Variants in DPP6 observed in about 807,000 individuals in gnomAD.
The protein encoded by DPP6 is dipeptidyl peptidase like 6.
DPP6 carries 69 observed loss-of-function variants against 122.6 expected under a neutral mutation model. That is an observed-to-expected ratio of 0.56 (90% CI 0.46 to 0.69). The LOEUF (loss-of-function observed/expected upper bound fraction) is 0.69, where lower values mean the gene tolerates loss of function less well. DPP6 is among the 30% of genes least tolerant of loss of function. The probability of loss-of-function intolerance (pLI) is 0.00; values close to 1 mark genes in which losing one functional copy is unlikely to be tolerated. For synonymous variants in DPP6, 418 were observed against 433.1 expected, an observed-to-expected ratio of 0.97 and a Z score of 0.43; for missense variants, 928 against 1,116.9, an observed-to-expected ratio of 0.83 and a Z score of 2.41.
intron 1 of DPP6, among the ~76,000 whole-genome samples, chr7:154,301,645 A>G (rs893374922): frequency 6.6e-6 from 1 of 152,178 alleles, no homozygotes; most frequent in African/African-American, 2.4e-5. Context: ...TATTTGCAGT[A>G]ATAAGCAAAC....
intron 1 of DPP6, among the ~76,000 whole-genome samples, chr7:154,099,002 C>T (rs181120157): frequency 6.6e-6 from 1 of 152,204 alleles, no homozygotes; most frequent in Non-Finnish European, 1.5e-5. Context: ...CAAACAATCA[C>T]ATCAGGATTT....
At chr7:154,130,683 C>T (rs922775157) in intron 1 of DPP6, among the ~76,000 whole-genome samples, 6 of 152,162 alleles carry the variant, frequency 3.9e-5, no homozygotes, top group East Asian at 1.9e-4. Flanking sequence ...TCAGATCTCA[C>T]GTCAGATGGG....
chr7:154,484,854 T>C (rs935218192), intron 3 of DPP6, among the ~76,000 whole-genome samples: 2 of 152,166 alleles, frequency 1.3e-5, no homozygotes, highest in Non-Finnish European at 2.9e-5. Context: ...ACTGGAAAAG[T>C]ATATGTTTCA....
Position 154,202,498 on chromosome 7 carries a change from G to A in DPP6, c.243+149435G>A, listed in dbSNP as rs111765928. Among the ~76,000 whole-genome samples, 159 of 152,110 alleles carry A rather than the reference G, an allele frequency of 1.0e-3. 1 individual carries two copies. The highest frequency in any genetic ancestry group is 3.3e-3 in the African/African-American group (135 of 41,480). On this transcript the variant is annotated intron_variant, in intron 1 of 25. Transcript: ENST00000377770. ...AGGCTTCCCTCCCCCAATTTCCTAC[G>A]GCTCTGCACTTGACATTCACCAAAA...
intron 1 of DPP6, among the ~76,000 whole-genome samples, chr7:154,110,403 G>T (rs917449802): frequency 2.6e-5 from 4 of 152,254 alleles, no homozygotes; most frequent in Non-Finnish European, 5.9e-5. Flanking sequence ...GCATCACTCT[G>T]CTTGGGTAGT....
chr7:153,775,439 T>C, the DPP6 span, among the ~76,000 whole-genome samples: 95 of 151,616 alleles, frequency 6.3e-4, no homozygotes, highest in African/African-American at 2.3e-3. Context: ...ACAGCTAACA[T>C]AATTCTTAAT....
Position 154,481,375 on chromosome 7 carries a change from CTG to C in DPP6, c.457+6349_457+6350del, listed in dbSNP as rs1554564267. Among the ~76,000 whole-genome samples the C allele has an allele frequency of 1.2e-5, 1 of 86,688 alleles. No homozygotes were observed. Among genetic ancestry groups the C allele is most frequent in the Non-Finnish European group, 2.4e-5 (1 of 41,200 alleles). The allele number at this position is 86,688 out of a possible 152,430, so 56.9% of individuals were successfully genotyped here. A position where few individuals can be genotyped will look rare whatever the true frequency, so the allele number is the denominator to read the frequency against. On this transcript the variant is annotated intron_variant, in intron 3 of 25. Transcript: ENST00000377770. The surrounding 1 kb of genome is among the most constrained non-coding windows in gnomAD (Gnocchi z 4.2). ...TGTGTGTGTGTGTGTGTGTGTGTGT[CTG>C]TGTGTGTGTGCATGTCAGTCACTGG... is the stretch of plus-strand genomic sequence containing the variant.
At chr7:153,830,113 G>T in the DPP6 span, among the ~76,000 whole-genome samples, 113 of 152,316 alleles carry the variant, frequency 7.4e-4, 1 homozygote, top group East Asian at 0.021. Context: ...TAATGTACTT[G>T]TCTCCTGGTT....
intron 7 of DPP6, among the ~76,000 whole-genome samples, chr7:154,726,532 G>C (rs1256516308): frequency 6.6e-6 from 1 of 152,186 alleles, no homozygotes; most frequent in Non-Finnish European, 1.5e-5. Flanking sequence ...GGGCACCAAG[G>C]CTGCACAGAG....
intron 1 of DPP6, among the ~76,000 whole-genome samples, chr7:154,334,853 A>G (rs1809264167): frequency 6.6e-6 from 1 of 152,136 alleles, no homozygotes; most frequent in Non-Finnish European, 1.5e-5. Context: ...CCAAGATTGT[A>G]CCACTGCACT....
At chr7:154,268,994 G>T (rs1375439122) in intron 1 of DPP6, among the ~76,000 whole-genome samples, 2 of 79,300 alleles carry the variant, frequency 2.5e-5, no homozygotes, top group Non-Finnish European at 5.6e-5. Flanking sequence ...GGTGAAAATG[G>T]ACTCAACCAC....
chr7:153,922,920 C>T (rs1800708794), intron 1 of DPP6, among the ~76,000 whole-genome samples: 1 of 152,222 alleles, frequency 6.6e-6, no homozygotes, highest in South Asian at 2.1e-4. Flanking sequence ...TCAGAAAAGG[C>T]AACGCAGACA....
intron 1 of DPP6, among the ~76,000 whole-genome samples, chr7:154,434,440 G>A (rs868433759): frequency 2.6e-5 from 4 of 151,972 alleles, no homozygotes; most frequent in African/African-American, 7.3e-5. Flanking sequence ...TTCAGCCGCC[G>A]CTTCACCCTT....
chr7:153,773,215 A>T, the DPP6 span, among the ~76,000 whole-genome samples: 7 of 148,308 alleles, frequency 4.7e-5, no homozygotes, highest in Admixed American at 2.7e-4. Context: ...AAATTTTTTT[A>T]AAAAAGACAA....
At chr7:154,616,776 C>T (rs1470138019) in intron 5 of DPP6, among the ~76,000 whole-genome samples, 1 of 152,162 alleles carries the variant, frequency 6.6e-6, no homozygotes, top group Non-Finnish European at 1.5e-5. Flanking sequence ...GAGCATTCGC[C>T]TCCAGGGAAC....
intron 7 of DPP6, among the ~76,000 whole-genome samples, chr7:154,702,954 G>T (rs950039407): frequency 6.6e-6 from 1 of 152,216 alleles, no homozygotes; most frequent in Non-Finnish European, 1.5e-5. Context: ...CTTCTTAGGG[G>T]TTGAAGTAGC....
At chr7:154,133,267 A>C (rs1795380233) in intron 1 of DPP6, among the ~76,000 whole-genome samples, 1 of 152,088 alleles carries the variant, frequency 6.6e-6, no homozygotes, top group Admixed American at 6.5e-5. Context: ...GCTCCGTGTC[A>C]CCCTTTGCAT....
At chr7:154,468,014 TATA>T (rs1397079641) in intron 2 of DPP6, among the ~76,000 whole-genome samples, 7 of 152,204 alleles carry the variant, frequency 4.6e-5, no homozygotes, top group South Asian at 2.1e-4. Flanking sequence ...CAGCATTTTT[TATA>T]ATCTGAATAA....
intron 1 of DPP6, among the ~76,000 whole-genome samples, chr7:154,116,866 C>G (rs1336189861): frequency 1.3e-5 from 2 of 152,188 alleles, no homozygotes; most frequent in Non-Finnish European, 2.9e-5. Flanking sequence ...ATTCTAAGCT[C>G]AGCTTGGTCC....
Sources: gnomAD v4.1 joint callset for allele counts (sites outside exome capture counted in the v4.1 genomes callset) on GRCh38, gnomAD v4.1.1 for gene constraint, Gnocchi (gnomAD v3.1) non-coding constraint, MANE v1.5 for transcripts, NCBI Gene and HGNC (gene_info 2026-07-23, HGNC 2026-07-21) for gene names.